Variants in NGEF observed in about 807,000 individuals in gnomAD.
NGEF encodes the protein ephexin-1.
In NGEF, 31 loss-of-function variants were observed where a neutral mutation model predicts 80.9. That is an observed-to-expected ratio of 0.38 (90% CI 0.29 to 0.52). The LOEUF is 0.52. Among genes scored for constraint, NGEF ranks in the 20% least tolerant of loss-of-function variants. The pLI is 0.84. For synonymous variants in NGEF, 371 were observed against 370.2 expected (o/e 1.00, Z -0.03); for missense variants, 709 against 926.2 (o/e 0.77, Z 3.04).
chr2:232,958,436 A>G (rs1218874914), intron 3 of NGEF, among the ~76,000 whole-genome samples: 3 of 152,144 alleles, frequency 2.0e-5, no homozygotes, highest in Non-Finnish European at 2.9e-5. Flanking sequence ...GAGCTCCTAG[A>G]TCTCAGCTTC....
At chr2:232,912,731 G>A (rs1277577999) in intron 5 of NGEF, among the ~76,000 whole-genome samples, 1 of 152,116 alleles carries the variant, frequency 6.6e-6, no homozygotes, top group South Asian at 2.1e-4. Flanking sequence ...TTTGGGGTGA[G>A]TTTTGGTAGC....
intron 14 of NGEF, among the ~76,000 whole-genome samples, chr2:232,880,705 G>A (rs943765238): frequency 1.3e-5 from 2 of 152,218 alleles, no homozygotes; most frequent in Non-Finnish European, 2.9e-5. Context: ...GGAGCTGGGG[G>A]CGGCTTCTTG....
chr2:232,989,226 T>C (rs367543459), intron 1 of NGEF, among the ~76,000 whole-genome samples: 3 of 152,146 alleles, frequency 2.0e-5, no homozygotes, highest in Non-Finnish European at 4.4e-5. Context: ...GGTGGGTGGA[T>C]CACTTGAGGT....
At chr2:232,946,133 A>T (rs1693553041) in intron 3 of NGEF, among the ~76,000 whole-genome samples, 1 of 151,990 alleles carries the variant, frequency 6.6e-6, no homozygotes, top group Non-Finnish European at 1.5e-5. Context: ...TGGCATTCGC[A>T]GCTACCTAGA....
chr2:232,957,991 A>C (rs1239363733), intron 3 of NGEF, among the ~76,000 whole-genome samples: 1 of 152,250 alleles, frequency 6.6e-6, no homozygotes, highest in African/African-American at 2.4e-5. Flanking sequence ...GAGACAGTGT[A>C]AAAATAGAAA....
intron 1 of NGEF, among the ~76,000 whole-genome samples, chr2:232,983,379 A>G (rs1474664077): frequency 2.0e-5 from 3 of 152,106 alleles, no homozygotes; most frequent in Admixed American, 6.5e-5. Flanking sequence ...TTTTAGGACC[A>G]AGACCAGGGC....
chr2:232,930,345 ACT>A (rs1201075926), intron 3 of NGEF, among the ~76,000 whole-genome samples: 1 of 145,780 alleles, frequency 6.9e-6, no homozygotes, highest in Non-Finnish European at 1.5e-5. Flanking sequence ...TTTGAAATGG[ACT>A]CTCGCTCTGT....
intron 3 of NGEF, among the ~76,000 whole-genome samples, chr2:232,953,740 G>A (rs1176667920): frequency 6.6e-6 from 1 of 152,060 alleles, no homozygotes; most frequent in Non-Finnish European, 1.5e-5. Context: ...CGTTTTCCAG[G>A]AGGAACGCAG....
At chr2:232,927,706 G>A (rs1693106115) in intron 3 of NGEF, among the ~76,000 whole-genome samples, 1 of 151,964 alleles carries the variant, frequency 6.6e-6, no homozygotes, top group Admixed American at 6.5e-5. Context: ...GGCCCGGGCC[G>A]GGGCTCAACA....
chr2:232,906,231 C>T (rs1308067781), intron 5 of NGEF, among the ~76,000 whole-genome samples: 1 of 89,608 alleles, frequency 1.1e-5, no homozygotes, highest in Non-Finnish European at 2.3e-5. Context: ...GGGGGTCAGC[C>T]CCCCGCCCGG....
At chr2:232,885,255 G>T in intron 10 of NGEF, 25 bp downstream of exon 10, 1 of 1,607,542 alleles carries the variant, frequency 6.2e-7, no homozygotes, top group Non-Finnish European at 8.5e-7. Context: ...ATGGGCACAG[G>T]CTCACACCAA....
intron 1 of NGEF, among the ~76,000 whole-genome samples, chr2:233,010,675 A>G (rs1263718218): frequency 6.6e-6 from 1 of 152,126 alleles, no homozygotes; most frequent in African/African-American, 2.4e-5. Context: ...CACCTGAGCT[A>G]GTTTCCCAAA....
intron 5 of NGEF, among the ~76,000 whole-genome samples, chr2:232,901,975 G>A (rs1692370178): frequency 6.6e-6 from 1 of 152,236 alleles, no homozygotes; most frequent in Non-Finnish European, 1.5e-5. Flanking sequence ...CGGCAGGGCA[G>A]TGGCTGGGGT....
intron 5 of NGEF, among the ~76,000 whole-genome samples, chr2:232,914,172 G>T (rs892248016): frequency 6.6e-6 from 1 of 152,170 alleles, no homozygotes; most frequent in South Asian, 2.1e-4. Flanking sequence ...GACAGAGCTG[G>T]GTAGTTCTGA....
chr2:232,972,841 C>T (rs1694223297), intron 2 of NGEF, among the ~76,000 whole-genome samples: 2 of 146,682 alleles, frequency 1.4e-5, no homozygotes, highest in Non-Finnish European at 3.0e-5. Flanking sequence ...ACTGCAACCT[C>T]TGCCTCCTGG....
intron 9 of NGEF, among the ~76,000 whole-genome samples, chr2:232,886,160 G>A (rs1691678996): frequency 6.6e-6 from 1 of 151,970 alleles, no homozygotes; most frequent in African/African-American, 2.4e-5. Context: ...CATGTGCGGT[G>A]TGTACTGTGT....
intron 3 of NGEF, among the ~76,000 whole-genome samples, chr2:232,942,345 G>A (rs952944069): frequency 3.3e-5 from 5 of 152,208 alleles, no homozygotes; most frequent in African/African-American, 1.2e-4. Flanking sequence ...GTGAGGGGCA[G>A]AGCACCTAGT....
rs1274944227 is a variant in NGEF, at chr2:232,968,093, C to CTTTTTTTTTTTT, written c.383+2109_383+2120dup. Among the ~76,000 whole-genome samples, 307 of 125,696 alleles carry CTTTTTTTTTTTT rather than the reference C, an allele frequency of 2.4e-3. 27 individuals are homozygous for CTTTTTTTTTTTT. Among genetic ancestry groups the CTTTTTTTTTTTT allele is most frequent in the African/African-American group, 9.8e-3 (289 of 29,598 alleles). The allele number at this position is 125,696 out of a possible 152,430, so 82.5% of individuals were successfully genotyped here. A position where few individuals can be genotyped will look rare whatever the true frequency, so the allele number is the denominator to read the frequency against. On this transcript the variant is annotated intron_variant, in intron 3 of 14. Transcript: ENST00000264051. ...TTGCTGAGGGCAGAAACAGACCTGG[C>CTTTTTTTTTTTT]TTTTTTTTTTTTGAGACAAAGTTTC...
Position 233,001,895 on chromosome 2 carries a change from A to G in NGEF, c.-75+11173T>C, listed in dbSNP as rs535147126. Among the ~76,000 whole-genome samples the G allele has an allele frequency of 3.9e-5, 6 of 152,284 alleles. No individual in the cohort carries two copies. The East Asian group carries it at 1.2e-3, about 29-fold the overall frequency. ...CCAGTTGTGGTGGCGTGCACCTGTA[A>G]TTGCAGCTACTTGGGAGGCTGAGGC... On this transcript the variant is annotated intron_variant, in intron 1 of 14. Transcript: ENST00000264051.
Sources: gnomAD v4.1 joint callset for allele counts (sites outside exome capture counted in the v4.1 genomes callset) on GRCh38, gnomAD v4.1.1 for gene constraint, MANE v1.5 for transcripts, NCBI Gene and HGNC (gene_info 2026-07-23, HGNC 2026-07-21) for gene names.